CWC27: variants seen among roughly 807,000 people sequenced by gnomAD.
The protein encoded by CWC27 is spliceosome-associated protein CWC27 homolog.
Under a neutral mutation model 63.6 loss-of-function variants are expected in CWC27, and 47 were observed. That is an observed-to-expected ratio of 0.74 (90% CI 0.58 to 0.94). The LOEUF (loss-of-function observed/expected upper bound fraction) is 0.94, where lower values mean the gene tolerates loss of function less well. CWC27 is among the 40% of genes least tolerant of loss of function. The probability of loss-of-function intolerance (pLI) is 0.00; values close to 1 mark genes in which losing one functional copy is unlikely to be tolerated. For missense variants in CWC27, 495 were observed against 554.3 expected, an observed-to-expected ratio of 0.89 and a Z score of 1.07; for synonymous variants, 175 against 179.8, an observed-to-expected ratio of 0.97 and a Z score of 0.22.
chr5:64,914,581 C>T (rs1747851181), intron 11 of CWC27, among the ~76,000 whole-genome samples: 1 of 152,100 alleles, frequency 6.6e-6, no homozygotes, highest in Non-Finnish European at 1.5e-5. Flanking sequence ...CCAAACCACA[C>T]ATTCTTCAGA....
intron 11 of CWC27, among the ~76,000 whole-genome samples, chr5:64,959,287 AGGCTTTAGTCTCT>A (rs1561170840): frequency 2.0e-4 from 31 of 152,278 alleles, no homozygotes; most frequent in African/African-American, 7.2e-4. Flanking sequence ...AAAGTTAGTA[AGGCTTTAGTCTCT>A]GGTCACTAAA....
At chr5:64,979,959 T>C (rs1489652605) in intron 13 of CWC27, among the ~76,000 whole-genome samples, 1 of 145,056 alleles carries the variant, frequency 6.9e-6, no homozygotes. Context: ...CATTATACTT[T>C]TTATGTAAAA....
chr5:64,844,224 C>A (rs1745916697), intron 10 of CWC27, among the ~76,000 whole-genome samples: 1 of 152,104 alleles, frequency 6.6e-6, no homozygotes, highest in Non-Finnish European at 1.5e-5. Context: ...TCTTATGAAA[C>A]CCACTCCGAA....
chr5:64,967,001 T>C (rs954796870), intron 11 of CWC27, among the ~76,000 whole-genome samples: 11 of 151,820 alleles, frequency 7.2e-5, no homozygotes, highest in African/African-American at 2.7e-4. Flanking sequence ...CATATCTTCT[T>C]TTTTTTTACA....
intron 11 of CWC27, among the ~76,000 whole-genome samples, chr5:64,929,550 T>A (rs1561160275): frequency 6.6e-6 from 1 of 152,180 alleles, no homozygotes; most frequent in African/African-American, 2.4e-5. Flanking sequence ...TGGCAAAGCA[T>A]TTGAATAGAC....
intron 4 of CWC27, 29 bp downstream of exon 4, chr5:64,784,008 G>T: frequency 6.5e-7 from 1 of 1,530,568 alleles, no homozygotes; most frequent in Non-Finnish European, 8.8e-7. Flanking sequence ...TAAACCTGTG[G>T]TTCAGTTTTT....
chr5:64,977,028 T>A, intron 12 of CWC27, 107 bp from the exon 13 acceptor site: 2 of 569,470 alleles, frequency 3.5e-6, no homozygotes, highest in South Asian at 7.9e-5. Flanking sequence ...TCAAACATTT[T>A]GTTTTACATC....
intron 13 of CWC27, among the ~76,000 whole-genome samples, chr5:64,980,695 T>A (rs1266489621): frequency 1.3e-5 from 2 of 152,176 alleles, no homozygotes; most frequent in Non-Finnish European, 2.9e-5. Flanking sequence ...GTCACTTTCT[T>A]CCATAGTACA....
At chr5:64,902,025 C>T (rs1747521233) in intron 11 of CWC27, among the ~76,000 whole-genome samples, 1 of 152,066 alleles carries the variant, frequency 6.6e-6, no homozygotes, top group Non-Finnish European at 1.5e-5. Flanking sequence ...ATAACAATGC[C>T]TTCTTCTGGA....
chr5:64,804,523 TGGCCCATTAGCAGGCCTAAAATA>T, intron 10 of CWC27, 137 bp downstream of exon 10: 1 of 923,902 alleles, frequency 1.1e-6, no homozygotes, highest in Non-Finnish European at 1.5e-6. Flanking sequence ...TTGTACAAAT[TGGCCCATTAGCAGGCCTAAAATA>T]AAATACACCA....
At chr5:64,961,685 T>C (rs986340424) in intron 11 of CWC27, among the ~76,000 whole-genome samples, 1 of 152,178 alleles carries the variant, frequency 6.6e-6, no homozygotes, top group Non-Finnish European at 1.5e-5. Context: ...TGTGTAATTA[T>C]GAATTGAAGT....
intron 11 of CWC27, among the ~76,000 whole-genome samples, chr5:64,899,618 C>T (rs1225950722): frequency 1.3e-5 from 2 of 152,100 alleles, no homozygotes; most frequent in Non-Finnish European, 2.9e-5. Flanking sequence ...GTGGTATGTA[C>T]CAGAAAGGGC....
intron 7 of CWC27, among the ~76,000 whole-genome samples, chr5:64,795,688 T>C (rs1169945631): frequency 6.6e-6 from 1 of 152,162 alleles, no homozygotes; most frequent in Non-Finnish European, 1.5e-5. Context: ...GTAATTACAT[T>C]TGGACCCATC....
At chr5:64,959,600 T>G (rs1748864693) in intron 11 of CWC27, among the ~76,000 whole-genome samples, 2 of 152,184 alleles carry the variant, frequency 1.3e-5, no homozygotes, top group Non-Finnish European at 2.9e-5. Flanking sequence ...CTTCATGAAC[T>G]CCTCTCACCT....
At chr5:64,782,105 A>G in intron 3 of CWC27, 72 bp downstream of exon 3, 2 of 779,848 alleles carry the variant, frequency 2.6e-6, no homozygotes, top group Non-Finnish European at 4.0e-6. Context: ...TGGATTGCTT[A>G]ATCGAAAATG....
intron 10 of CWC27, among the ~76,000 whole-genome samples, chr5:64,833,531 T>A (rs1247109269): frequency 4.0e-5 from 6 of 151,762 alleles, no homozygotes; most frequent in Non-Finnish European, 8.9e-5. Context: ...TGTTTTGCAC[T>A]TCAGTGTTAA....
intron 12 of CWC27, among the ~76,000 whole-genome samples, chr5:64,975,269 C>T (rs1441940770): frequency 3.3e-5 from 5 of 152,164 alleles, no homozygotes; most frequent in African/African-American, 1.2e-4. Context: ...ACCTACTTAA[C>T]TTTTTCATGA....
chr5:64,912,018 G>T (rs1171248860), intron 11 of CWC27, among the ~76,000 whole-genome samples: 1 of 149,086 alleles, frequency 6.7e-6, no homozygotes, highest in Non-Finnish European at 1.5e-5. Flanking sequence ...ATCTTGCAGT[G>T]AGCCGAGATC....
chr5:64,987,310 T>C (rs1027813693), intron 13 of CWC27, among the ~76,000 whole-genome samples: 39 of 152,206 alleles, frequency 2.6e-4, no homozygotes, highest in African/African-American at 8.7e-4. Context: ...TTAGAGTTAA[T>C]ATTTTATCAT....
Sources: gnomAD v4.1 joint callset for allele counts (sites outside exome capture counted in the v4.1 genomes callset) on GRCh38, gnomAD v4.1.1 for gene constraint, MANE v1.5 for transcripts, NCBI Gene and HGNC (gene_info 2026-07-23, HGNC 2026-07-21) for gene names.